Variants in XYLT1 observed in about 807,000 individuals in gnomAD.
XYLT1 encodes the protein beta-D-xylosyltransferase 1.
A neutral mutation model predicts 91.3 loss-of-function variants in XYLT1; 36 were observed. The ratio of observed to expected loss-of-function variants is 0.39; its 90% confidence interval spans 0.30 to 0.52. XYLT1 has a LOEUF of 0.52. Ranked by LOEUF, XYLT1 falls within the 20% of genes least tolerant of loss-of-function variation. The pLI, the probability that XYLT1 is intolerant of heterozygous loss-of-function variation, is 0.68. For synonymous variants in XYLT1, 588 were observed against 532.0 expected (o/e 1.11, Z -1.45); for missense variants, 1,242 against 1,284.5 (o/e 0.97, Z 0.51).
intron 11 of XYLT1, among the ~76,000 whole-genome samples, chr16:17,111,821 T>C (rs963732169): frequency 6.6e-6 from 1 of 152,200 alleles, no homozygotes; most frequent in Non-Finnish European, 1.5e-5. Context: ...GCAAGGGGTT[T>C]AGCAAAGCTG....
At chr16:17,331,965 G>A (rs1338770833) in intron 2 of XYLT1, among the ~76,000 whole-genome samples, 1 of 152,190 alleles carries the variant, frequency 6.6e-6, no homozygotes. Context: ...CCTATCCCTG[G>A]AGAGTGGGTT....
At chr16:17,451,893 A>C (rs2036669860) in intron 1 of XYLT1, among the ~76,000 whole-genome samples, 3 of 152,204 alleles carry the variant, frequency 2.0e-5, no homozygotes, top group African/African-American at 7.2e-5. Context: ...TATTCTACAA[A>C]ATGATAAGCT....
chr16:17,198,081 A>C, intron 5 of XYLT1, 131 bp downstream of exon 5: 2 of 900,862 alleles, frequency 2.2e-6, no homozygotes, highest in South Asian at 3.3e-5. Flanking sequence ...TCTCAGGTCC[A>C]ATCAGAATCC....
At chr16:17,439,143 T>C (rs2036499692) in intron 1 of XYLT1, among the ~76,000 whole-genome samples, 1 of 152,178 alleles carries the variant, frequency 6.6e-6, no homozygotes, top group Non-Finnish European at 1.5e-5. Flanking sequence ...TAAAAGTTAG[T>C]GAAGCAATGA....
At chr16:17,219,892 G>C (rs192655428) in intron 3 of XYLT1, among the ~76,000 whole-genome samples, 1 of 152,184 alleles carries the variant, frequency 6.6e-6, no homozygotes, top group Non-Finnish European at 1.5e-5. Context: ...TTAGCAGGGC[G>C]TGGTGGTGCA....
chr16:17,468,326 A>G (rs2036927572), intron 1 of XYLT1, among the ~76,000 whole-genome samples: 1 of 152,186 alleles, frequency 6.6e-6, no homozygotes, highest in Non-Finnish European at 1.5e-5. Context: ...ACAACAGTCA[A>G]CAGCATGGTA....
At chr16:17,362,950 T>G (rs866773862) in intron 1 of XYLT1, among the ~76,000 whole-genome samples, 1 of 152,204 alleles carries the variant, frequency 6.6e-6, no homozygotes, top group South Asian at 2.1e-4. Flanking sequence ...AGGGAACACT[T>G]CAGAAGGCTG....
chr16:17,280,242 C>G (rs936135436), intron 2 of XYLT1, among the ~76,000 whole-genome samples: 1 of 152,088 alleles, frequency 6.6e-6, no homozygotes, highest in African/African-American at 2.4e-5. Flanking sequence ...CCCAGATACT[C>G]GGGAGGCTGA....
intron 3 of XYLT1, chr16:17,251,005 C>T (rs915257651): frequency 2.0e-5 from 3 of 152,184 alleles, no homozygotes; most frequent in East Asian, 3.8e-4. Context: ...TTGTGACATC[C>T]CCAGTTCTAT....
chr16:17,254,996 C>CTTTTTTTTTTTTT (rs34553607), intron 3 of XYLT1, among the ~76,000 whole-genome samples: 4 of 113,354 alleles, frequency 3.5e-5, no homozygotes, highest in Admixed American at 9.5e-5. Flanking sequence ...TTTTCTTTTT[C>CTTTTTTTTTTTTT]TTTTTTTTTT....
intron 6 of XYLT1, among the ~76,000 whole-genome samples, chr16:17,146,213 C>T (rs2031128385): frequency 6.6e-6 from 1 of 151,670 alleles, no homozygotes; most frequent in South Asian, 2.1e-4. Context: ...GCAGAAAACC[C>T]ACCTCTAGAC....
chr16:17,244,955 A>G (rs932009140), intron 3 of XYLT1, among the ~76,000 whole-genome samples: 10 of 152,216 alleles, frequency 6.6e-5, no homozygotes, highest in African/African-American at 1.9e-4. Flanking sequence ...GCCAGATACT[A>G]TTAATATATT....
intron 6 of XYLT1, among the ~76,000 whole-genome samples, chr16:17,151,964 C>T (rs1350980729): frequency 7.9e-5 from 12 of 152,204 alleles, no homozygotes. Context: ...ACATTCTTCA[C>T]AGGGCTCACG....
intron 5 of XYLT1, among the ~76,000 whole-genome samples, chr16:17,168,240 A>G (rs978220791): frequency 6.6e-6 from 1 of 152,168 alleles, no homozygotes; most frequent in African/African-American, 2.4e-5. Flanking sequence ...GTACATACAC[A>G]CCATGGAACA....
chr16:17,321,393 T>G (rs112166574), intron 2 of XYLT1, among the ~76,000 whole-genome samples: 3,056 of 124,196 alleles, frequency 0.025, 51 homozygotes, highest in Non-Finnish European at 0.033. Flanking sequence ...AGTCTCACTT[T>G]GTCATCCAGG....
At chr16:17,404,800 C>T (rs763097759) in intron 1 of XYLT1, among the ~76,000 whole-genome samples, 2 of 152,156 alleles carry the variant, frequency 1.3e-5, no homozygotes, top group Non-Finnish European at 2.9e-5. Context: ...GAAAAACATT[C>T]AGAGTTGTGT....
chr16:17,461,894 C>G, intron 1 of XYLT1, among the ~76,000 whole-genome samples: 1 of 152,184 alleles, frequency 6.6e-6, no homozygotes, highest in East Asian at 1.9e-4. Flanking sequence ...AAAATAATAG[C>G]TCTTAACTTG....
intron 1 of XYLT1, among the ~76,000 whole-genome samples, chr16:17,417,649 A>C (rs1015049297): frequency 4.6e-5 from 7 of 152,220 alleles, no homozygotes; most frequent in Non-Finnish European, 1.0e-4. Context: ...CCGTAGGCAT[A>C]TGCGTCAGAT....
At chr16:17,121,920 C>A (rs2030069031) in intron 10 of XYLT1, among the ~76,000 whole-genome samples, 1 of 152,010 alleles carries the variant, frequency 6.6e-6, no homozygotes, top group Non-Finnish European at 1.5e-5. Context: ...CTGCAAATAC[C>A]ATTGTTTCGT....
Sources: allele counts gnomAD v4.1 joint callset (sites outside exome capture counted in the v4.1 genomes callset), GRCh38; gene constraint gnomAD v4.1.1; transcripts MANE v1.5; gene names NCBI Gene and HGNC (gene_info 2026-07-23, HGNC 2026-07-21).